Variants in NCOA1 observed in about 807,000 individuals in gnomAD.
NCOA1 encodes nuclear receptor coactivator 1.
A neutral mutation model predicts 150.9 loss-of-function variants in NCOA1; 35 were observed. The observed-to-expected ratio is 0.23, with a 90% CI of 0.18 to 0.31. The LOEUF is 0.31. Among genes scored for constraint, NCOA1 ranks in the 10% least tolerant of loss-of-function variants. The pLI is 1.00. For synonymous variants in NCOA1, 590 were observed against 630.0 expected, an observed-to-expected ratio of 0.94 and a Z score of 0.95; for missense variants, 1,491 against 1,749.3, an observed-to-expected ratio of 0.85 and a Z score of 2.63.
chr2:24,649,755 C>T (rs923509470), intron 4 of NCOA1, among the ~76,000 whole-genome samples: 8 of 145,258 alleles, frequency 5.5e-5, no homozygotes, highest in African/African-American at 2.1e-4. Flanking sequence ...ACAAAATAAA[C>T]TTTTCTTTTT....
At chr2:24,612,389 T>C (rs1668668453) in intron 3 of NCOA1, among the ~76,000 whole-genome samples, 1 of 152,170 alleles carries the variant, frequency 6.6e-6, no homozygotes, top group African/African-American at 2.4e-5. Context: ...TTTTGTGTAG[T>C]ATCTCACAGG....
chr2:24,760,612 T>C (rs1165570594), intron 21 of NCOA1, among the ~76,000 whole-genome samples: 1 of 152,202 alleles, frequency 6.6e-6, no homozygotes, highest in Non-Finnish European at 1.5e-5. Flanking sequence ...CACTACAGTG[T>C]TGCTGATGAG....
At chr2:24,545,922 T>A (rs1259214508) in intron 1 of NCOA1, among the ~76,000 whole-genome samples, 1 of 152,102 alleles carries the variant, frequency 6.6e-6, no homozygotes, top group African/African-American at 2.4e-5. Context: ...TCTGAGTAGG[T>A]GGGATTACAA....
At position 24,706,587 on chromosome 2, in the gene NCOA1, C is replaced by T. The variant is rs780018468; in HGVS notation, c.1117C>T (p.Pro373Ser). The change falls in exon 13 of 23, where the codon CCT becomes TCT. Residue 373 changes from proline (P) to serine (S), a missense_variant. Physicochemically the swap from Pro to Ser is moderately conservative, Grantham distance 74. Coordinates refer to ENST00000348332, the MANE Select transcript of NCOA1 (RefSeq NM_003743.5). ...CCCTAGGGAGCACAGTGGGCTTTCT[C>T]CTCAAGATGACACTAATTCTGGAAT... Reference protein sequence around the residue: ...IIDREHSGLSPQDDTNSGMSI... With the variant: ...IIDREHSGLSSQDDTNSGMSI... 5.0e-6 allele frequency: 8 copies of T among 1,612,066 alleles called. No homozygotes were observed. Among genetic ancestry groups the T allele is most frequent in the Non-Finnish European group, 6.8e-6 (8 of 1,178,404 alleles).
Position 24,706,554 on chromosome 2 carries a change from C to T in NCOA1, c.1098-14C>T. 6.4e-7 allele frequency: 1 copy of T among 1,567,168 alleles called. No homozygotes were observed. Among genetic ancestry groups the T allele is most frequent in the Admixed American group, 1.9e-5 (1 of 51,906 alleles). On this transcript the variant is annotated splice_polypyrimidine_tract_variant and intron_variant, in intron 12 of 22. Coordinates refer to ENST00000348332, the MANE Select transcript of NCOA1 (RefSeq NM_003743.5). Reference sequence around the variant, plus strand: ...AATGAAGATGTTTGAATAATAATGTCTTTTTCCCCCTAGGGAGCACAGTGG... The same window carrying T: ...AATGAAGATGTTTGAATAATAATGTTTTTTTCCCCCTAGGGAGCACAGTGG...
In NCOA1 at chr2:24,770,394, T is replaced by TC; in HGVS notation, c.*2008dup. 4.4e-6 allele frequency: 1 copy of TC among 229,854 alleles called. No individual in the cohort carries two copies. Among genetic ancestry groups the TC allele is most frequent in the Non-Finnish European group, 8.6e-6 (1 of 115,766 alleles). The allele number at this position is 229,854 out of a possible 1,614,324, so 14.2% of individuals were successfully genotyped here. ...AGGAAAATTGGAGATGCTAACATCCTCCCCCATCCCAACTGCACCTTAAAA... is the reference window on the plus strand; with the variant it reads ...AGGAAAATTGGAGATGCTAACATCCTCCCCCCATCCCAACTGCACCTTAAAA... On this transcript the variant is annotated 3_prime_UTR_variant, in exon 23 of 23. Transcript: ENST00000348332.
chr2:24,694,381 C>CTT (rs1269610320), intron 10 of NCOA1, among the ~76,000 whole-genome samples: 3 of 152,144 alleles, frequency 2.0e-5, no homozygotes, highest in African/African-American at 7.2e-5. Flanking sequence ...TTCTAGCAGA[C>CTT]TAAGATTTTA....
chr2:24,742,318 AC>A, intron 19 of NCOA1, 132 bp downstream of exon 19: 1 of 1,077,144 alleles, frequency 9.3e-7, no homozygotes, highest in Non-Finnish European at 1.3e-6. Flanking sequence ...GAGTCTGGAG[AC>A]CCAGGATTCA....
At chr2:24,687,463 C>T (rs1044666798) in intron 8 of NCOA1, among the ~76,000 whole-genome samples, 7 of 151,828 alleles carry the variant, frequency 4.6e-5, no homozygotes, top group African/African-American at 1.7e-4. Context: ...ATTTCATCAC[C>T]CAGTGTATTA....
chr2:24,528,545 A>G (rs1458213144), intron 1 of NCOA1, among the ~76,000 whole-genome samples: 1 of 151,398 alleles, frequency 6.6e-6, no homozygotes, highest in African/African-American at 2.4e-5. Context: ...ATGGGGTTTC[A>G]CCATGTTGCC....
intron 1 of NCOA1, among the ~76,000 whole-genome samples, chr2:24,529,897 AAT>A (rs1324769021): frequency 6.6e-6 from 1 of 152,236 alleles, no homozygotes; most frequent in African/African-American, 2.4e-5. Context: ...CTAGTGATAA[AAT>A]ATAGACATTC....
At chr2:24,651,180 T>C (rs1376220160) in intron 4 of NCOA1, among the ~76,000 whole-genome samples, 1 of 152,084 alleles carries the variant, frequency 6.6e-6, no homozygotes. Flanking sequence ...AATTAACATA[T>C]GACCCAGCAA....
chr2:24,711,438 T>C (rs527984629), intron 14 of NCOA1: 3 of 179,706 alleles, frequency 1.7e-5, no homozygotes, highest in Non-Finnish European at 3.5e-5. Context: ...GATATCTTCC[T>C]TGAAAACTAA....
At chr2:24,493,260 T>G (rs1476518720) in intron 1 of NCOA1, among the ~76,000 whole-genome samples, 2 of 152,360 alleles carry the variant, frequency 1.3e-5, no homozygotes, top group African/African-American at 4.8e-5. Flanking sequence ...TTTGGTTTTG[T>G]GAACGAATGT....
intron 7 of NCOA1, among the ~76,000 whole-genome samples, chr2:24,676,872 G>A (rs1671933988): frequency 1.3e-5 from 2 of 152,064 alleles, no homozygotes; most frequent in African/African-American, 4.8e-5. Flanking sequence ...GCTGAGGAAG[G>A]AATCTCAGAG....
chr2:24,491,520 C>G lies in NCOA1; in HGVS notation c.-478C>G, dbSNP rs1253695026. Among the ~76,000 whole-genome samples the G allele has an allele frequency of 4.8e-5, 7 of 146,874 alleles. No homozygotes were observed. Among genetic ancestry groups the G allele is most frequent in the Non-Finnish European group, 9.1e-5 (6 of 66,126 alleles). On this transcript the variant is annotated 5_prime_UTR_variant, in exon 1 of 23. Coordinates refer to ENST00000348332, the MANE Select transcript of NCOA1 (RefSeq NM_003743.5). ...GAGCCGCGGCGCCGGGCCCGAGGAG[C>G]GGCGGAGGCCGGGGCGGCGCCGCCG...
At chr2:24,518,293 AGAGAT>A (rs1489105231) in intron 1 of NCOA1, among the ~76,000 whole-genome samples, 1 of 152,202 alleles carries the variant, frequency 6.6e-6, no homozygotes, top group African/African-American at 2.4e-5. Flanking sequence ...AATTAGAAAT[AGAGAT>A]AAGAATTCTC....
intron 6 of NCOA1, among the ~76,000 whole-genome samples, chr2:24,671,570 T>C (rs780899482): frequency 4.6e-5 from 7 of 152,330 alleles, no homozygotes; most frequent in Middle Eastern, 3.4e-3. Context: ...TCCTGTCATG[T>C]ACTTTTTTAA....
chr2:24,550,260 T>A (rs934422268), intron 1 of NCOA1, among the ~76,000 whole-genome samples: 9 of 152,238 alleles, frequency 5.9e-5, no homozygotes, highest in Non-Finnish European at 1.3e-4. Flanking sequence ...AGGTATCTTT[T>A]CAGCAGCACC....
Sources: gnomAD v4.1 joint callset for allele counts (sites outside exome capture counted in the v4.1 genomes callset) on GRCh38, gnomAD v4.1.1 for gene constraint, MANE v1.5 for transcripts, NCBI Gene and HGNC (gene_info 2026-07-23, HGNC 2026-07-21) for gene names.